The following MOB3C variants were observed in gnomAD, a reference collection of about 807,000 sequenced individuals.
MOB3C encodes MOB1, Mps One Binder kinase activator-like 2C.
MOB3C carries 17 observed loss-of-function variants against 19.8 expected under a neutral mutation model. The ratio of observed to expected loss-of-function variants is 0.86; its 90% CI spans 0.59 to 1.29. The LOEUF is 1.29. Among genes scored for constraint, MOB3C ranks in the 50% most tolerant of loss-of-function variants. MOB3C has a pLI of 0.00. For missense variants in MOB3C, 291 were observed against 301.9 expected, an observed-to-expected ratio of 0.96 and a Z score of 0.27; for synonymous variants, 101 against 119.2, an observed-to-expected ratio of 0.85 and a Z score of 0.99.
At chr1:46,612,642 A>G (rs1178222942) in intron 2 of MOB3C, among the ~76,000 whole-genome samples, 1 of 147,198 alleles carries the variant, frequency 6.8e-6, no homozygotes, top group African/African-American at 2.5e-5. Flanking sequence ...AAAGACCGAA[A>G]CTCTGTCTCA....
chr1:46,609,426 T>G lies in MOB3C; in HGVS notation c.*229A>C. On this transcript the variant is annotated 3_prime_UTR_variant, in exon 4 of 4. Coordinates refer to ENST00000319928, the MANE Select transcript of MOB3C (RefSeq NM_201403.3). The stretch of plus-strand genomic sequence containing the variant: ...TACTCCCAGACTTCATGCCAGAGGT[T>G]TAACTCCACTTCCCTTCTGTTTGCC... 1.6e-6 allele frequency: 1 copy of G among 615,804 alleles called. No individual in the cohort carries two copies. Among genetic ancestry groups the G allele is most frequent in the Non-Finnish European group, 2.9e-6 (1 of 344,896 alleles). 38.1% of individuals were successfully genotyped at this position (615,804 alleles called of 1,614,324 possible).
rs950071042 is a variant in MOB3C, at chr1:46,610,204, C to G, written c.419G>C (p.Gly140Ala). ...CTGGAAGTTCTTAGGGAAGGGAACT[C>G]CTAGAGGGCAGGGGAGGGCAGAAGG... ...NDEEVFPTRV[G>A]VPFPKNFQQV... The change falls in exon 3 of 4, where the codon GGA becomes GCA. Residue 140 changes from glycine (G) to alanine (A), a missense_variant and splice_region_variant. Transcript: ENST00000319928. 1 of 1,613,646 alleles carries G rather than the reference C, an allele frequency of 6.2e-7. No individual in the cohort carries two copies. Among genetic ancestry groups the G allele is most frequent in the Admixed American group, 1.7e-5 (1 of 59,978 alleles).
Position 46,613,177 on chromosome 1 carries a change from T to C in MOB3C, c.145A>G (p.Arg49Gly). 6.2e-7 allele frequency: 1 copy of C among 1,614,270 alleles called. No individual in the cohort carries two copies. The highest frequency in any genetic ancestry group is 1.1e-5 in the South Asian group (1 of 91,088). ...KSGLDLRSVVRLPPGENIDDW... is the reference protein window; with the variant it reads ...KSGLDLRSVVGLPPGENIDDW... ...TCGATGTTCTCCCCGGGTGGTAGCC[T>C]CACCACACTGCGCAGGTCCAGGCCC... The change falls in exon 2 of 4, where the codon AGG becomes GGG. Residue 49 changes from arginine to glycine, a missense_variant. Transcript: ENST00000319928.
intron 1 of MOB3C, chr1:46,616,432 GA>G (rs1293049538): frequency 1.3e-5 from 2 of 152,762 alleles, no homozygotes; most frequent in Non-Finnish European, 2.9e-5. Context: ...CCAGGGCCAG[GA>G]AGGTCGTAGG....
chr1:46,610,270 C>T, intron 2 of MOB3C, 66 bp from the exon 3 acceptor site: 2 of 1,508,368 alleles, frequency 1.3e-6, no homozygotes, highest in South Asian at 1.1e-5. Flanking sequence ...CAACTTTTCC[C>T]TCCCACACAC....
intron 2 of MOB3C, among the ~76,000 whole-genome samples, chr1:46,610,434 A>G (rs1406716237): frequency 1.3e-5 from 2 of 152,128 alleles, no homozygotes; most frequent in Non-Finnish European, 2.9e-5. Flanking sequence ...TGCCCAGGCA[A>G]GTGCAATGGC....
Position 46,609,407 on chromosome 1 carries a change from C to T in MOB3C, c.*248G>A, listed in dbSNP as rs1675423821. 1.7e-6 allele frequency: 1 copy of T among 589,658 alleles called. No individual in the cohort carries two copies. Among genetic ancestry groups the T allele is most frequent in the Non-Finnish European group, 3.0e-6 (1 of 329,544 alleles). 36.5% of individuals were successfully genotyped at this position (589,658 alleles called of 1,614,324 possible). On this transcript the variant is annotated 3_prime_UTR_variant, in exon 4 of 4. Coordinates refer to ENST00000319928, the MANE Select transcript of MOB3C (RefSeq NM_201403.3). ...GAAACCCCCTAGCCTACCCTACTCCCAGACTTCATGCCAGAGGTTTAACTC... is the reference window on the plus strand; with the variant it reads ...GAAACCCCCTAGCCTACCCTACTCCTAGACTTCATGCCAGAGGTTTAACTC...
In MOB3C at chr1:46,615,147, G is replaced by A; in HGVS notation, c.-51+1564C>T. ...ATCCCTCACACTGCAATTAGGCGGG[G>A]CTCCTGGGCTCCCCACATTGCATGG... On this transcript the variant is annotated intron_variant, in intron 1 of 3. Transcript: ENST00000319928. The A allele has an allele frequency of 3.3e-6, 4 of 1,207,588 alleles. No homozygotes were observed. In the South Asian group the frequency reaches 5.0e-5, roughly 15 times the overall value. 74.8% of individuals were successfully genotyped at this position (1,207,588 alleles called of 1,614,324 possible). A position where few individuals can be genotyped will look rare whatever the true frequency, so the allele number is the denominator to read the frequency against.
At position 46,613,207 on chromosome 1, in the gene MOB3C, T is replaced by C. The variant is rs1161974150; in HGVS notation, c.115A>G (p.Lys39Glu). The C allele has an allele frequency of 6.2e-7, 1 of 1,614,202 alleles. No individual in the cohort carries two copies. Among genetic ancestry groups the C allele is most frequent in the Non-Finnish European group, 8.5e-7 (1 of 1,180,022 alleles). ...ACACTGCGCAGGTCCAGGCCCGACT[T>C]GAGAGAGGCCTGTGCCTTCTTGTAC... ...ELYKKAQASL[K>E]SGLDLRSVVR... is the part of the protein sequence containing the mutation. The change falls in exon 2 of 4, where the codon AAG becomes GAG. Residue 39 changes from lysine to glutamate, a missense_variant. Transcript: ENST00000319928.
rs1321151682 is a variant in MOB3C at position 46,610,202 on chromosome 1, C to A, written c.421G>T (p.Val141Phe). ...DEEVFPTRVG[V>F]PFPKNFQQVC... ...TGCTGGAAGTTCTTAGGGAAGGGAA[C>A]TCCTAGAGGGCAGGGGAGGGCAGAA... The change falls in exon 3 of 4, where the codon GTT (valine) becomes TTT (phenylalanine). Residue 141 changes from valine (V) to phenylalanine (F), a missense_variant and splice_region_variant. Coordinates refer to ENST00000319928, the MANE Select transcript of MOB3C (RefSeq NM_201403.3). 6.2e-7 allele frequency: 1 copy of A among 1,613,876 alleles called. No individual in the cohort carries two copies. The highest frequency in any genetic ancestry group is 8.5e-7 in the Non-Finnish European group (1 of 1,179,960).
At position 46,609,810 on chromosome 1, in the gene MOB3C, A is replaced by G. The variant is rs191576005; in HGVS notation, c.622-126T>C. On this transcript the variant is annotated intron_variant, in intron 3 of 3. Coordinates refer to ENST00000319928, the MANE Select transcript of MOB3C (RefSeq NM_201403.3). The stretch of plus-strand genomic sequence containing the variant: ...CCTTCCCCCAGCAACCCCAACTCTT[A>G]GGCTGCAGATCTGGGTTTGTAAACC... The G allele has an allele frequency of 1.7e-4, 236 of 1,372,302 alleles. 1 individual carries two copies. The highest frequency in any genetic ancestry group is 1.5e-3 in the Middle Eastern group (8 of 5,416). The allele number at this position is 1,372,302 out of a possible 1,614,324, so 85.0% of individuals were successfully genotyped here.
rs914744701 is a variant in MOB3C at position 46,607,802 on chromosome 1, C to T, written c.*1853G>A. On this transcript the variant is annotated 3_prime_UTR_variant, in exon 4 of 4. Coordinates refer to ENST00000319928, the MANE Select transcript of MOB3C (RefSeq NM_201403.3). ...TCATAAAAATAAATTTTCCAACCCTCCCCCTATCCCAGAAATCAGCCCTTG... is the reference window on the plus strand; with the variant it reads ...TCATAAAAATAAATTTTCCAACCCTTCCCCTATCCCAGAAATCAGCCCTTG... 7.1e-6 allele frequency: 1 copy of T among 141,488 alleles called. No homozygotes were observed. Among genetic ancestry groups the T allele is most frequent in the African/African-American group, 2.5e-5 (1 of 40,318 alleles). 8.8% of individuals were successfully genotyped at this position (141,488 alleles called of 1,614,324 possible).
At chr1:46,613,481 G>T in intron 1 of MOB3C, 110 bp from the exon 2 acceptor site, 1 of 1,055,638 alleles carries the variant, frequency 9.5e-7, no homozygotes, top group Non-Finnish European at 1.4e-6. Context: ...CTCAACCTCT[G>T]CATCCTCTGC....
chr1:46,614,802 T>C (rs1570382425), intron 1 of MOB3C: 1 of 565,546 alleles, frequency 1.8e-6, no homozygotes, highest in Non-Finnish European at 3.1e-6. Flanking sequence ...CGGGGAGGGG[T>C]ATTACTTCTG....
chr1:46,614,548 A>G, intron 1 of MOB3C: 1 of 181,626 alleles, frequency 5.5e-6, no homozygotes, highest in Non-Finnish European at 1.2e-5. Flanking sequence ...ACTAAGGCTG[A>G]GTATAAGCTA....
chr1:46,610,996 A>G (rs1161097395), intron 2 of MOB3C, among the ~76,000 whole-genome samples: 1 of 152,164 alleles, frequency 6.6e-6, no homozygotes, highest in Non-Finnish European at 1.5e-5. Flanking sequence ...AAGGCCTTTC[A>G]TGATCTTATC....
At position 46,607,981 on chromosome 1, in the gene MOB3C, G is replaced by A. The variant is rs1335535159; in HGVS notation, c.*1674C>T. The A allele has an allele frequency of 2.0e-5, 3 of 152,196 alleles. No individual in the cohort carries two copies. Among genetic ancestry groups the A allele is most frequent in the Admixed American group, 2.0e-4 (3 of 15,288 alleles). The allele number at this position is 152,196 out of a possible 1,614,324, so 9.4% of individuals were successfully genotyped here. ...CTGGCTGGGCCCAAGAGCTCCATCT[G>A]TTTCCCCAAAGTACAGGCAGCTTCT... On this transcript the variant is annotated 3_prime_UTR_variant, in exon 4 of 4. Transcript: ENST00000319928.
rs1675409366 is a variant in MOB3C at position 46,608,690 on chromosome 1, G to A, written c.*965C>T. 6.5e-6 allele frequency: 1 copy of A among 152,676 alleles called. No homozygotes were observed. Among genetic ancestry groups the A allele is most frequent in the South Asian group, 2.1e-4 (1 of 4,830 alleles). 9.5% of individuals were successfully genotyped at this position (152,676 alleles called of 1,614,324 possible). A position where few individuals can be genotyped will look rare whatever the true frequency, so the allele number is the denominator to read the frequency against. ...TTGGACGGGGAGATTATTTTGTGCT[G>A]GGCTTCAGATCCGAGGAGCCAGGTC... On this transcript the variant is annotated 3_prime_UTR_variant, in exon 4 of 4. Coordinates refer to ENST00000319928, the MANE Select transcript of MOB3C (RefSeq NM_201403.3). This position sits in a 1 kb window ranked among gnomAD's most constrained non-coding sequence, Gnocchi z 4.5.
Position 46,609,102 on chromosome 1 carries a change from TCATGGTCTGATGGTCC to T in MOB3C, c.*537_*552del, listed in dbSNP as rs68109314. Reference sequence around the variant, plus strand: ...TGAGCTGTCATCACTCCTACAGTGGTCATGGTCTGATGGTCCCATGGTCTGATGGTCCCAATCTATT... The same window carrying T: ...TGAGCTGTCATCACTCCTACAGTGGTCATGGTCTGATGGTCCCAATCTATT... On this transcript the variant is annotated 3_prime_UTR_variant, in exon 4 of 4. Transcript: ENST00000319928. The T allele has an allele frequency of 0.38, 64,112 of 170,842 alleles. 19,802 individuals are homozygous for T. Among genetic ancestry groups the T allele is most frequent in the Non-Finnish European group, 0.43 (34,595 of 79,644 alleles). 10.6% of individuals were successfully genotyped at this position (170,842 alleles called of 1,614,324 possible).
Sources: gnomAD v4.1 joint callset for allele counts (sites outside exome capture counted in the v4.1 genomes callset) on GRCh38, gnomAD v4.1.1 for gene constraint, Gnocchi (gnomAD v3.1) non-coding constraint, MANE v1.5 for transcripts, NCBI Gene and HGNC (gene_info 2026-07-23, HGNC 2026-07-21) for gene names.